The following SAMD4A variants were observed in gnomAD, a reference collection of about 807,000 sequenced individuals.
SAMD4A encodes the protein protein Smaug homolog 1.
SAMD4A carries 33 observed loss-of-function variants against 81.3 expected under a neutral mutation model. That is an observed-to-expected ratio of 0.41 (90% CI 0.31 to 0.54). The LOEUF is 0.54. SAMD4A is among the 20% of genes least tolerant of loss of function. SAMD4A has a pLI of 0.37. For synonymous variants in SAMD4A, 389 were observed against 382.1 expected (o/e 1.02, Z -0.21); for missense variants, 854 against 951.1 (o/e 0.90, Z 1.34).
chr14:54,598,441 G>A (rs2033968999), intron 2 of SAMD4A, among the ~76,000 whole-genome samples: 1 of 152,088 alleles, frequency 6.6e-6, no homozygotes, highest in African/African-American at 2.4e-5. Context: ...TAATAACTGT[G>A]TAATAGCTAA....
intron 8 of SAMD4A, among the ~76,000 whole-genome samples, chr14:54,767,845 G>A (rs577580233): frequency 7.3e-4 from 111 of 152,286 alleles, no homozygotes; most frequent in African/African-American, 9.4e-4. Flanking sequence ...AGCCACAACC[G>A]AGCACCACAT....
rs1594768200 is a variant in SAMD4A, at chr14:54,645,869, C to A, written c.197-56193C>A. Among the ~76,000 whole-genome samples the A allele has an allele frequency of 2.0e-5, 3 of 152,294 alleles. No individual in the cohort carries two copies. The South Asian group carries it at 6.2e-4, about 32-fold the overall frequency. On this transcript the variant is annotated intron_variant, in intron 2 of 12. Transcript: ENST00000554335. ...AGAGGGTTGCCTGTATCTTTCCTTG[C>A]CGTTTTTTATATAGTCAGTGGGAAT...
At chr14:54,780,035 G>T (rs1161697407) in intron 11 of SAMD4A, among the ~76,000 whole-genome samples, 1 of 152,214 alleles carries the variant, frequency 6.6e-6, no homozygotes, top group East Asian at 1.9e-4. Flanking sequence ...TTGGGATCCA[G>T]TCAGAGAGGA....
At chr14:54,698,788 C>T (rs1472290684) in intron 2 of SAMD4A, among the ~76,000 whole-genome samples, 3 of 152,212 alleles carry the variant, frequency 2.0e-5, no homozygotes, top group Non-Finnish European at 2.9e-5. Flanking sequence ...CCGGGGCCAG[C>T]GGCCTCTCGT....
At chr14:54,687,934 G>A (rs2036319810) in intron 2 of SAMD4A, 1 of 986,784 alleles carries the variant, frequency 1.0e-6, no homozygotes, top group Non-Finnish European at 1.2e-6. Flanking sequence ...CACCCTCTGT[G>A]GCTGATGCCT....
intron 2 of SAMD4A, among the ~76,000 whole-genome samples, chr14:54,650,283 A>G (rs764571036): frequency 6.6e-6 from 1 of 152,236 alleles, no homozygotes; most frequent in Non-Finnish European, 1.5e-5. Context: ...CTGAACCTGC[A>G]TGAGTAACCA....
chr14:54,731,687 A>G (rs1288962306), intron 3 of SAMD4A, among the ~76,000 whole-genome samples: 2 of 152,216 alleles, frequency 1.3e-5, no homozygotes, highest in Non-Finnish European at 2.9e-5. Flanking sequence ...AGCTTCTTGA[A>G]TTAAAAATGA....
chr14:54,568,830 G>A (rs1020311704), intron 2 of SAMD4A, among the ~76,000 whole-genome samples: 2 of 150,610 alleles, frequency 1.3e-5, no homozygotes, highest in East Asian at 1.9e-4. Flanking sequence ...CAGGCATGAA[G>A]TGGGTTACTT....
chr14:54,677,897 T>G (rs933020742), intron 2 of SAMD4A, among the ~76,000 whole-genome samples: 8 of 152,348 alleles, frequency 5.3e-5, no homozygotes, highest in Non-Finnish European at 2.9e-5. Context: ...CCTTTCTAAA[T>G]AGCTTCTAAT....
upstream of SAMD4A, among the ~76,000 whole-genome samples, chr14:54,566,473 C>T (rs2032937318): frequency 6.6e-6 from 1 of 151,768 alleles, no homozygotes; most frequent in African/African-American, 2.4e-5. Flanking sequence ...GTTCTCCTCC[C>T]CGCCGGCGGC....
chr14:54,764,262 C>T (rs1356563007), intron 7 of SAMD4A, among the ~76,000 whole-genome samples, 193 bp from the exon 8 acceptor site: 9 of 152,220 alleles, frequency 5.9e-5, no homozygotes, highest in Non-Finnish European at 1.3e-4. Context: ...CTTCTCGAGA[C>T]AAGGGCTCCC....
intron 9 of SAMD4A, among the ~76,000 whole-genome samples, chr14:54,774,019 T>C (rs991581838): frequency 4.6e-5 from 7 of 152,194 alleles, no homozygotes; most frequent in Non-Finnish European, 7.4e-5. Context: ...GTCAGACCAG[T>C]TGTGACCCTG....
At chr14:54,598,475 T>C (rs2033969984) in intron 2 of SAMD4A, among the ~76,000 whole-genome samples, 1 of 152,204 alleles carries the variant, frequency 6.6e-6, no homozygotes, top group Non-Finnish European at 1.5e-5. Flanking sequence ...TCATACTTGG[T>C]AGATATTATT....
chr14:54,578,077 C>A (rs769588951), intron 2 of SAMD4A, among the ~76,000 whole-genome samples: 1 of 152,176 alleles, frequency 6.6e-6, no homozygotes. Context: ...CTGCTCTGTG[C>A]CAGTTGTTTG....
At chr14:54,601,414 TCA>T (rs1352492637) in intron 2 of SAMD4A, among the ~76,000 whole-genome samples, 2 of 152,338 alleles carry the variant, frequency 1.3e-5, no homozygotes, top group East Asian at 3.9e-4. Flanking sequence ...TATATTATTG[TCA>T]CAGTCACATT....
chr14:54,630,284 C>T (rs1382587096), intron 2 of SAMD4A, among the ~76,000 whole-genome samples: 1 of 152,198 alleles, frequency 6.6e-6, no homozygotes, highest in Non-Finnish European at 1.5e-5. Context: ...CATCATTTTA[C>T]ATTCCCACTA....
intron 12 of SAMD4A, among the ~76,000 whole-genome samples, chr14:54,786,768 T>C (rs1217025330): frequency 1.3e-5 from 2 of 152,252 alleles, no homozygotes; most frequent in Non-Finnish European, 2.9e-5. Context: ...AAATGCTCTT[T>C]ATTAAAGGAA....
At chr14:54,594,436 CT>C (rs2033861470) in intron 2 of SAMD4A, among the ~76,000 whole-genome samples, 1 of 151,440 alleles carries the variant, frequency 6.6e-6, no homozygotes, top group Non-Finnish European at 1.5e-5. Flanking sequence ...AAAAAAGCTA[CT>C]TTTAAAATTG....
intron 2 of SAMD4A, among the ~76,000 whole-genome samples, chr14:54,646,185 G>C (rs552083179): frequency 3.2e-4 from 48 of 152,314 alleles, no homozygotes; most frequent in African/African-American, 1.1e-3. Context: ...TGAACATTAT[G>C]TGATTCCATT....
Sources: allele counts gnomAD v4.1 joint callset (sites outside exome capture counted in the v4.1 genomes callset), GRCh38; gene constraint gnomAD v4.1.1; transcripts MANE v1.5; gene names NCBI Gene and HGNC (gene_info 2026-07-23, HGNC 2026-07-21).